PCTP: variants seen among roughly 807,000 people sequenced by gnomAD.
PCTP encodes phosphatidylcholine transfer protein.
Under a neutral mutation model 31.0 loss-of-function variants are expected in PCTP, and 27 were observed. The observed-to-expected ratio is 0.87, with a 90% CI of 0.64 to 1.20. PCTP has a LOEUF of 1.20. Ranked by LOEUF, PCTP falls within the 50% of genes most tolerant of loss-of-function variation. The pLI, the probability that PCTP is intolerant of heterozygous loss-of-function variation, is 0.00. For missense variants in PCTP, 287 were observed against 268.2 expected, an observed-to-expected ratio of 1.07 and a Z score of -0.49; for synonymous variants, 108 against 101.2, an observed-to-expected ratio of 1.07 and a Z score of -0.40.
At chr17:55,782,280 C>T (rs962073995), downstream of PCTP, among the ~76,000 whole-genome samples, 17 of 152,182 alleles carry the variant, frequency 1.1e-4, no homozygotes, top group African/African-American at 4.1e-4. Context: ...TCCTCAAACA[C>T]CCCTACAGTC....
chr17:55,843,493 G>C (rs1906050588), downstream of PCTP, among the ~76,000 whole-genome samples: 1 of 152,144 alleles, frequency 6.6e-6, no homozygotes, highest in Non-Finnish European at 1.5e-5. Context: ...ATAAACCGTG[G>C]TGTTTCATGC....
At chr17:55,772,444 G>T (rs996691041) in intron 3 of PCTP, among the ~76,000 whole-genome samples, 1 of 151,970 alleles carries the variant, frequency 6.6e-6, no homozygotes, top group African/African-American at 2.4e-5. Flanking sequence ...AAAAAATTTA[G>T]CTGGGTGTGG....
intron 5 of PCTP, among the ~76,000 whole-genome samples, chr17:55,828,459 C>G (rs1371733856): frequency 6.6e-6 from 1 of 152,208 alleles, no homozygotes; most frequent in Non-Finnish European, 1.5e-5. Flanking sequence ...TGTCTTCCCC[C>G]TCTGTTCTGT....
At chr17:55,817,619 G>C (rs1176250997) in intron 3 of PCTP, among the ~76,000 whole-genome samples, 1 of 152,118 alleles carries the variant, frequency 6.6e-6, no homozygotes, top group East Asian at 1.9e-4. Flanking sequence ...GGTGAGGTTT[G>C]CCTTATGGAG....
rs558540706 is a variant in PCTP at position 55,776,418 on chromosome 17, G to A, written c.*318G>A. ...CTTTGCTTGCTTACTATTAGGAGGG[G>A]AAGTCTTCAGTAGGGAACACGATCA... On this transcript the variant is annotated 3_prime_UTR_variant, in exon 6 of 6. Transcript: ENST00000268896. The A allele has an allele frequency of 2.4e-6, 3 of 1,247,498 alleles. No individual in the cohort carries two copies. The highest frequency in any genetic ancestry group is 3.1e-5 in the East Asian group (1 of 32,220). 77.3% of individuals were successfully genotyped at this position (1,247,498 alleles called of 1,614,324 possible). A position where few individuals can be genotyped will look rare whatever the true frequency, so the allele number is the denominator to read the frequency against.
chr17:55,817,245 T>A (rs1912950174), intron 3 of PCTP, among the ~76,000 whole-genome samples: 1 of 152,168 alleles, frequency 6.6e-6, no homozygotes, highest in Non-Finnish European at 1.5e-5. Flanking sequence ...AAGAGTCTTT[T>A]GGGGGTTGTT....
chr17:55,798,129 A>G (rs1912243355), intron 3 of PCTP, among the ~76,000 whole-genome samples: 1 of 152,078 alleles, frequency 6.6e-6, no homozygotes. Flanking sequence ...ACACAAGTGA[A>G]GTGAGACTTA....
intron 3 of PCTP, among the ~76,000 whole-genome samples, chr17:55,798,174 T>C (rs963764692): frequency 6.6e-6 from 1 of 151,930 alleles, no homozygotes; most frequent in East Asian, 1.9e-4. Flanking sequence ...AATATACAGA[T>C]AGAATAATAA....
chr17:55,751,697 G>A (rs1306339997), intron 1 of PCTP, among the ~76,000 whole-genome samples: 1 of 152,210 alleles, frequency 6.6e-6, no homozygotes, highest in Non-Finnish European at 1.5e-5. Context: ...GTGCAGGGTG[G>A]TGTCAGGGGT....
intron 3 of PCTP, among the ~76,000 whole-genome samples, chr17:55,801,168 C>T (rs772964758): frequency 2.0e-5 from 3 of 152,100 alleles, no homozygotes; most frequent in Non-Finnish European, 4.4e-5. Context: ...AGCTAACTAA[C>T]CTAAATATAT....
chr17:55,788,638 T>A (rs1309469623), intron 3 of PCTP, among the ~76,000 whole-genome samples: 2 of 152,184 alleles, frequency 1.3e-5, no homozygotes, highest in African/African-American at 4.8e-5. Flanking sequence ...AGAATTTTAC[T>A]GAAAAAAATT....
chr17:55,757,830 AC>A (rs1457567344), intron 1 of PCTP, among the ~76,000 whole-genome samples: 4 of 152,140 alleles, frequency 2.6e-5, no homozygotes, highest in African/African-American at 4.8e-5. Flanking sequence ...GCAGGAGAAT[AC>A]CCTAGAGATG....
chr17:55,775,622 C>A, intron 5 of PCTP: 2 of 1,195,114 alleles, frequency 1.7e-6, no homozygotes, highest in South Asian at 8.6e-5. Flanking sequence ...CAGTGCTCAA[C>A]ATTAACTAAA....
Position 55,804,182 on chromosome 17 carries a change from T to C in PCTP, c.317+16528T>C, listed in dbSNP as rs1350284779. On this transcript the variant is annotated intron_variant, in intron 3 of 3. Transcript: ENST00000572536. ...ATTATCAAAACCATCTCACTCCAGATAGAATGGCGATCATTAAAAAGTCAG... is the reference window on the plus strand; with the variant it reads ...ATTATCAAAACCATCTCACTCCAGACAGAATGGCGATCATTAAAAAGTCAG... Among the ~76,000 whole-genome samples, 4 of 152,162 alleles carry C rather than the reference T, an allele frequency of 2.6e-5. No individual in the cohort carries two copies. In the South Asian group the frequency reaches 6.2e-4, roughly 24 times the overall value.
At chr17:55,783,863 G>A (rs2144991301) in intron 2 of PCTP, among the ~76,000 whole-genome samples, 1 of 152,250 alleles carries the variant, frequency 6.6e-6, no homozygotes, top group East Asian at 1.9e-4. Flanking sequence ...CGACGGTGCC[G>A]AGTCCCTGGA....
At chr17:55,842,378 G>A (rs965882518) in intron 5 of PCTP, among the ~76,000 whole-genome samples, 16 of 152,120 alleles carry the variant, frequency 1.1e-4, no homozygotes, top group African/African-American at 4.8e-5. Context: ...TTTTTCCATT[G>A]CCTTATTTTC....
At chr17:55,830,137 G>T (rs975618932) in intron 5 of PCTP, among the ~76,000 whole-genome samples, 1 of 152,116 alleles carries the variant, frequency 6.6e-6, no homozygotes, top group African/African-American at 2.4e-5. Context: ...TAATGTCTGG[G>T]TTCCATCCCC....
downstream of PCTP, among the ~76,000 whole-genome samples, chr17:55,779,188 T>C (rs1339249844): frequency 6.6e-6 from 1 of 152,188 alleles, no homozygotes; most frequent in Non-Finnish European, 1.5e-5. Context: ...AGCATTGGGA[T>C]AGGCATGGCA....
In PCTP at chr17:55,797,888, A is replaced by G. The variant is rs111400869; in HGVS notation, c.317+10234A>G. On this transcript the variant is annotated intron_variant, in intron 3 of 3. Coordinates refer to the PCTP transcript ENST00000572536. ...TGAGGTCTAGTTATTAAAAAGCAAA[A>G]ATAAAAGAAGAATAAAAGCAGACAA... Among the ~76,000 whole-genome samples the G allele has an allele frequency of 9.6e-3, 1,453 of 152,136 alleles. 17 individuals carry two copies. Among genetic ancestry groups the G allele is most frequent in the African/African-American group, 0.033 (1,379 of 41,552 alleles).
Sources: gnomAD v4.1 joint callset for allele counts (sites outside exome capture counted in the v4.1 genomes callset) on GRCh38, gnomAD v4.1.1 for gene constraint, MANE v1.5 for transcripts, NCBI Gene and HGNC (gene_info 2026-07-23, HGNC 2026-07-21) for gene names.